Variants in NALCN observed in about 807,000 individuals in gnomAD.
NALCN encodes sodium leak channel, non-selective.
Under a neutral mutation model 225.3 loss-of-function variants are expected in NALCN, and 111 were observed. The observed-to-expected ratio is 0.49, with a 90% CI of 0.42 to 0.58. NALCN has a LOEUF of 0.58. Ranked by LOEUF, NALCN falls within the 20% of genes least tolerant of loss-of-function variation. The pLI is 0.00. For missense variants in NALCN, 1,378 were observed against 2,202.4 expected (o/e 0.63, Z 7.49); for synonymous variants, 764 against 769.0 (o/e 0.99, Z 0.11).
chr13:101,123,193 C>T (rs1435546284), intron 18 of NALCN, among the ~76,000 whole-genome samples: 1 of 152,222 alleles, frequency 6.6e-6, no homozygotes, highest in Non-Finnish European at 1.5e-5. Flanking sequence ...AACCCATTCA[C>T]ACAGAGGGCC....
At chr13:101,191,836 T>C (rs1422743156) in intron 14 of NALCN, 81 bp downstream of exon 14, 7 of 1,458,608 alleles carry the variant, frequency 4.8e-6, no homozygotes, top group Non-Finnish European at 6.5e-6. Context: ...CATTTTGAAA[T>C]TGACAATAGG....
At chr13:101,277,819 C>A (rs1012044801) in intron 10 of NALCN, among the ~76,000 whole-genome samples, 1 of 152,188 alleles carries the variant, frequency 6.6e-6, no homozygotes, top group East Asian at 1.9e-4. Flanking sequence ...AAAACACTCA[C>A]CTCCAGTGCT....
At chr13:101,344,123 C>T (rs1226718103) in intron 7 of NALCN, among the ~76,000 whole-genome samples, 1 of 152,198 alleles carries the variant, frequency 6.6e-6, no homozygotes, top group Non-Finnish European at 1.5e-5. Context: ...TCCCATACCA[C>T]ATCTGTGATT....
chr13:101,182,998 G>C (rs1022807773), intron 14 of NALCN, among the ~76,000 whole-genome samples: 6 of 152,232 alleles, frequency 3.9e-5, no homozygotes, highest in African/African-American at 1.2e-4. Flanking sequence ...TGGACTGAAA[G>C]AGCAGGTCGA....
intron 15 of NALCN, among the ~76,000 whole-genome samples, chr13:101,155,914 C>T (rs12431119): frequency 0.12 from 18,919 of 151,970 alleles, 1,622 homozygotes; most frequent in East Asian, 0.45. Context: ...TTTCTGTTTA[C>T]TTCATTTATT....
chr13:101,184,079 G>A (rs1174483627), intron 14 of NALCN, among the ~76,000 whole-genome samples: 1 of 152,068 alleles, frequency 6.6e-6, no homozygotes, highest in African/African-American at 2.4e-5. Flanking sequence ...TTTTATGACC[G>A]ATATTGATAC....
At chr13:101,209,986 C>T (rs1156253896) in intron 13 of NALCN, among the ~76,000 whole-genome samples, 1 of 152,124 alleles carries the variant, frequency 6.6e-6, no homozygotes, top group Admixed American at 6.6e-5. Context: ...ATTCTGAAAA[C>T]TAAAATAACA....
intron 10 of NALCN, among the ~76,000 whole-genome samples, chr13:101,278,833 A>G (rs543956143): frequency 1.3e-5 from 2 of 152,320 alleles, no homozygotes; most frequent in African/African-American, 4.8e-5. Context: ...GCATATAGAA[A>G]TAAGTGTTCT....
intron 17 of NALCN, among the ~76,000 whole-genome samples, chr13:101,130,338 C>T (rs926101257): frequency 1.3e-5 from 2 of 152,184 alleles, no homozygotes; most frequent in Admixed American, 1.3e-4. Context: ...TTCACCTCCT[C>T]ATTTGTATAT....
chr13:101,409,571 T>C (rs1194215018), intron 1 of NALCN, among the ~76,000 whole-genome samples: 3 of 152,220 alleles, frequency 2.0e-5, no homozygotes, highest in Non-Finnish European at 4.4e-5. Flanking sequence ...CTATCATTTA[T>C]ATATTATGAA....
chr13:101,059,806 T>A lies in NALCN; in HGVS notation c.4905+12A>T, dbSNP rs774692283. 5.6e-6 allele frequency: 9 copies of A among 1,613,732 alleles called. No individual in the cohort carries two copies. The highest frequency in any genetic ancestry group is 7.6e-6 in the Non-Finnish European group (9 of 1,179,844). ...AGAGTGTCCTGGGACAGAGGACGCC[T>A]CGTGCCCATACCTCAGGTTGCATGC... On this transcript the variant is annotated intron_variant, in intron 42 of 43. Transcript: ENST00000251127.
intron 7 of NALCN, among the ~76,000 whole-genome samples, chr13:101,333,649 G>T (rs1002968901): frequency 5.9e-5 from 9 of 152,220 alleles, no homozygotes; most frequent in Non-Finnish European, 1.0e-4. Flanking sequence ...AGCCCCTAGA[G>T]TTCAAGGGTC....
intron 22 of NALCN, among the ~76,000 whole-genome samples, chr13:101,106,085 G>T (rs1047216074): frequency 1.3e-5 from 2 of 152,160 alleles, no homozygotes; most frequent in African/African-American, 4.8e-5. Context: ...CTTTCTGAGG[G>T]CTGTGAGGGA....
intron 11 of NALCN, among the ~76,000 whole-genome samples, chr13:101,253,788 C>T (rs2042131709): frequency 1.3e-5 from 2 of 152,212 alleles, no homozygotes; most frequent in Non-Finnish European, 2.9e-5. Context: ...CACTTTTGTA[C>T]AATTTCAGAG....
chr13:101,179,631 C>T (rs1195320001), intron 14 of NALCN, among the ~76,000 whole-genome samples: 17 of 152,170 alleles, frequency 1.1e-4, no homozygotes, highest in Admixed American at 1.0e-3. Flanking sequence ...ATCAGGGGAA[C>T]TGATGAGGCT....
intron 6 of NALCN, among the ~76,000 whole-genome samples, chr13:101,361,473 G>A (rs1476473777): frequency 2.6e-5 from 4 of 151,998 alleles, no homozygotes; most frequent in East Asian, 1.9e-4. Flanking sequence ...TGTAACTAAA[G>A]GAAAACTAAA....
chr13:101,128,322 C>A lies in NALCN; in HGVS notation c.2119-3641G>T, dbSNP rs79356903. On this transcript the variant is annotated intron_variant, in intron 17 of 43. Transcript: ENST00000251127. ...ATATAGAGATATTTTAAGTCTTGAACTTCTAAGTTAAAACACGTTTCCAGA... is the reference window on the plus strand; with the variant it reads ...ATATAGAGATATTTTAAGTCTTGAAATTCTAAGTTAAAACACGTTTCCAGA... Among the ~76,000 whole-genome samples, 529 of 152,248 alleles carry A rather than the reference C, an allele frequency of 3.5e-3. 4 individuals are homozygous for A. The highest frequency in any genetic ancestry group is 0.012 in the African/African-American group (509 of 41,530).
chr13:101,096,297 T>C (rs1231526550), intron 27 of NALCN, among the ~76,000 whole-genome samples: 1 of 152,118 alleles, frequency 6.6e-6, no homozygotes, highest in Non-Finnish European at 1.5e-5. Flanking sequence ...TTATTCACAA[T>C]AGCCAAAAGG....
intron 17 of NALCN, among the ~76,000 whole-genome samples, chr13:101,126,554 G>A (rs190232289): frequency 1.1e-4 from 17 of 150,466 alleles, no homozygotes; most frequent in Non-Finnish European, 1.5e-4. Flanking sequence ...GTGCAGTGGC[G>A]TAATCTCAGC....
Sources: gnomAD v4.1 joint callset for allele counts (sites outside exome capture counted in the v4.1 genomes callset) on GRCh38, gnomAD v4.1.1 for gene constraint, MANE v1.5 for transcripts, NCBI Gene and HGNC (gene_info 2026-07-23, HGNC 2026-07-21) for gene names.